The following UBR1 variants were observed in gnomAD, a reference collection of about 807,000 sequenced individuals.
UBR1 encodes ubiquitin protein ligase E3 component n-recognin 1.
A neutral mutation model predicts 242.1 loss-of-function variants in UBR1; 102 were observed. The observed-to-expected ratio is 0.42, with a 90% CI of 0.36 to 0.50. The LOEUF (loss-of-function observed/expected upper bound fraction) is 0.50. UBR1 is among the 20% of genes least tolerant of loss of function. UBR1 has a pLI of 0.01. For synonymous variants in UBR1, 675 were observed against 684.8 expected (o/e 0.99, Z 0.22); for missense variants, 1,772 against 2,101.8 (o/e 0.84, Z 3.07).
chr15:43,004,535 C>G (rs7178410), intron 30 of UBR1, among the ~76,000 whole-genome samples: 1,774 of 152,344 alleles, frequency 0.012, 30 homozygotes, highest in African/African-American at 0.04. Context: ...CACGCCGCCA[C>G]GCCTGACTGG....
At chr15:43,025,913 G>A in intron 23 of UBR1, 1 of 158,348 alleles carries the variant, frequency 6.3e-6, no homozygotes, top group Non-Finnish European at 1.4e-5. Context: ...AGAAAAAAAT[G>A]CAAAAGAATT....
chr15:42,990,185 T>C, intron 33 of UBR1, 65 bp from the exon 34 acceptor site: 1 of 1,150,806 alleles, frequency 8.7e-7, no homozygotes, highest in Non-Finnish European at 1.3e-6. Flanking sequence ...TACAGTTTTC[T>C]AGCATTTATT....
chr15:42,987,398 T>C (rs2032483836), intron 35 of UBR1, among the ~76,000 whole-genome samples: 1 of 152,024 alleles, frequency 6.6e-6, no homozygotes, highest in African/African-American at 2.4e-5. Flanking sequence ...CTAATGATAG[T>C]ATGTAGGAAG....
At position 42,945,097 on chromosome 15, in the gene UBR1, T is replaced by C. The variant is rs1033023598; in HGVS notation, c.*232A>G. The C allele has an allele frequency of 3.7e-6, 2 of 542,582 alleles. No homozygotes were observed. The highest frequency in any genetic ancestry group is 3.2e-5 in the Admixed American group (1 of 31,230). 33.6% of individuals were successfully genotyped at this position (542,582 alleles called of 1,614,324 possible). On this transcript the variant is annotated 3_prime_UTR_variant, in exon 47 of 47. Transcript: ENST00000290650. Reference sequence around the variant, plus strand: ...CAAATTATGAAGGGGAATAAATTCCTGGAAATACTAGCACATAAAACAGAT... The same window carrying C: ...CAAATTATGAAGGGGAATAAATTCCCGGAAATACTAGCACATAAAACAGAT...
intron 1 of UBR1, among the ~76,000 whole-genome samples, chr15:43,098,105 G>T (rs2034182113): frequency 6.6e-6 from 1 of 152,146 alleles, no homozygotes; most frequent in Non-Finnish European, 1.5e-5. Context: ...GGGTTAACTG[G>T]CTTAATTTTA....
intron 15 of UBR1, 121 bp from the exon 16 acceptor site, chr15:43,038,353 A>G (rs758318419): frequency 1.7e-5 from 15 of 904,312 alleles, no homozygotes; most frequent in African/African-American, 3.3e-5. Context: ...TCATGCCTGT[A>G]ATCTCAGCAC....
chr15:43,004,350 C>T (rs2032770876), intron 30 of UBR1, among the ~76,000 whole-genome samples: 2 of 147,008 alleles, frequency 1.4e-5, no homozygotes, highest in South Asian at 4.2e-4. Context: ...TCTCTCTCTC[C>T]CTCCTCTCCT....
intron 44 of UBR1, among the ~76,000 whole-genome samples, chr15:42,955,452 G>T (rs763868776): frequency 9.2e-5 from 14 of 152,286 alleles, no homozygotes; most frequent in South Asian, 4.2e-4. Flanking sequence ...TTGGAAAAAG[G>T]ATGATTACTT....
intron 29 of UBR1, among the ~76,000 whole-genome samples, chr15:43,010,142 G>A (rs1367153764): frequency 6.6e-6 from 1 of 152,204 alleles, no homozygotes; most frequent in African/African-American, 2.4e-5. Context: ...AAAGTGCTGG[G>A]ATTACAGGCG....
At chr15:43,023,624 A>G (rs1217847559) in intron 25 of UBR1, among the ~76,000 whole-genome samples, 2 of 151,288 alleles carry the variant, frequency 1.3e-5, no homozygotes, top group Middle Eastern at 3.4e-3. Context: ...AAAAAAAAAA[A>G]AAGTTCAACC....
At chr15:43,015,596 C>G in intron 29 of UBR1, 92 bp downstream of exon 29, 1 of 1,387,292 alleles carries the variant, frequency 7.2e-7, no homozygotes, top group Non-Finnish European at 1.0e-6. Context: ...GTCCTATGAC[C>G]CTGCCAAATC....
At chr15:42,949,180 C>CA (rs1485596516) in intron 46 of UBR1, among the ~76,000 whole-genome samples, 1 of 147,248 alleles carries the variant, frequency 6.8e-6, no homozygotes, top group Non-Finnish European at 1.5e-5. Context: ...ATTGCAAGGA[C>CA]AAAAAACCAA....
At position 42,972,888 on chromosome 15, in the gene UBR1, G is replaced by C. The variant is rs1194977770; in HGVS notation, c.4370-2281C>G. 3.3e-5 allele frequency among the ~76,000 whole-genome samples: 5 copies of C among 152,250 alleles called. No individual in the cohort carries two copies. The East Asian group carries it at 9.7e-4, about 29-fold the overall frequency. The stretch of plus-strand genomic sequence containing the variant: ...AGAAGCATGACTGCTGGATCATATG[G>C]TAAGAGTATATTTAGTTTTGTGATA... On this transcript the variant is annotated intron_variant, in intron 39 of 46. Transcript: ENST00000290650.
At chr15:42,977,992 A>C (rs2032316332) in intron 37 of UBR1, 45 bp from the exon 38 acceptor site, 1 of 1,509,740 alleles carries the variant, frequency 6.6e-7, no homozygotes, top group South Asian at 1.1e-5. Flanking sequence ...GTAAGATAGC[A>C]GTGTAGGTAA....
intron 33 of UBR1, among the ~76,000 whole-genome samples, chr15:42,997,438 G>A (rs1311150799): frequency 6.6e-6 from 1 of 152,076 alleles, no homozygotes; most frequent in Admixed American, 6.5e-5. Flanking sequence ...CCCCTCATCC[G>A]AGGAAAAACT....
intron 37 of UBR1, among the ~76,000 whole-genome samples, 170 bp downstream of exon 37, chr15:42,983,727 T>C (rs1471367533): frequency 6.7e-6 from 1 of 149,856 alleles, no homozygotes; most frequent in Admixed American, 6.7e-5. Context: ...GAGGCAGCTA[T>C]GTGTTTATCT....
At chr15:43,012,921 T>C (rs1405991481) in intron 29 of UBR1, among the ~76,000 whole-genome samples, 1 of 152,228 alleles carries the variant, frequency 6.6e-6, no homozygotes, top group African/African-American at 2.4e-5. Flanking sequence ...AGATTTTTTT[T>C]TTGAGATGGA....
intron 24 of UBR1, 131 bp from the exon 25 acceptor site, chr15:43,025,114 C>A: frequency 1.7e-6 from 2 of 1,171,524 alleles, no homozygotes; most frequent in Non-Finnish European, 1.2e-6. Context: ...TTTTTTGCTA[C>A]CTTTCCAGTA....
intron 37 of UBR1, among the ~76,000 whole-genome samples, chr15:42,980,372 T>C (rs1298567042): frequency 6.6e-6 from 1 of 152,138 alleles, no homozygotes; most frequent in Non-Finnish European, 1.5e-5. Context: ...AGTGGGAAAA[T>C]CATGGGCTTT....
Sources: allele counts gnomAD v4.1 joint callset (sites outside exome capture counted in the v4.1 genomes callset), GRCh38; gene constraint gnomAD v4.1.1; transcripts MANE v1.5; gene names NCBI Gene and HGNC (gene_info 2026-07-23, HGNC 2026-07-21).